The following EFL1 variants were observed in gnomAD, a reference collection of about 807,000 sequenced individuals.
EFL1 encodes elongation factor-like GTPase 1.
In EFL1, 76 loss-of-function variants were observed where a neutral mutation model predicts 126.7. The ratio of observed to expected loss-of-function variants is 0.60; its 90% CI spans 0.50 to 0.73. The LOEUF (loss-of-function observed/expected upper bound fraction) is 0.73. Ranked by LOEUF, EFL1 falls within the 30% of genes least tolerant of loss-of-function variation. The pLI is 0.00. For missense variants in EFL1, 1,128 were observed against 1,343.2 expected, an observed-to-expected ratio of 0.84 and a Z score of 2.50; for synonymous variants, 410 against 448.4, an observed-to-expected ratio of 0.91 and a Z score of 1.08.
In EFL1 at chr15:82,240,608, C is replaced by T. The variant is rs1420612116; in HGVS notation, c.379-53G>A. On this transcript the variant is annotated intron_variant, in intron 5 of 19. Transcript: ENST00000268206. ...AACTCATGATTTGAAATAATTAGAGCACATTAGAAAATCGTGATTAATAAC... is the reference window on the plus strand; with the variant it reads ...AACTCATGATTTGAAATAATTAGAGTACATTAGAAAATCGTGATTAATAAC... 7.5e-6 allele frequency: 12 copies of T among 1,597,894 alleles called. No individual in the cohort carries two copies. In the Admixed American group the frequency reaches 2.1e-4, roughly 28 times the overall value.
At chr15:82,143,448 T>G (rs918376004) in intron 18 of EFL1, among the ~76,000 whole-genome samples, 2 of 152,224 alleles carry the variant, frequency 1.3e-5, no homozygotes, top group African/African-American at 4.8e-5. Context: ...GTAACACTTA[T>G]GCACTAACTT....
chr15:82,130,475 G>C lies in EFL1; in HGVS notation c.3261C>G (p.Ala1087=), dbSNP rs1448509180. The C allele has an allele frequency of 1.2e-6, 2 of 1,614,036 alleles. No individual in the cohort carries two copies. The highest frequency in any genetic ancestry group is 1.3e-5 in the African/African-American group (1 of 74,986). The change falls in exon 20 of 20, where the codon GCC becomes GCG. Residue 1087 remains alanine, a synonymous_variant. Transcript: ENST00000268206. ...FGEKADSENQ[A]RKYMNAVRKR... ...TTCGTACTGCGTTCATGTACTTCCG[G>C]GCTTGGTTCTCAGAGTCAGCCTTCT...
At chr15:82,135,278 A>G (rs2073708431) in intron 19 of EFL1, among the ~76,000 whole-genome samples, 1 of 151,858 alleles carries the variant, frequency 6.6e-6, no homozygotes. Flanking sequence ...AAAGTATTAC[A>G]TGTATAAGAT....
intron 12 of EFL1, 107 bp from the exon 13 acceptor site, chr15:82,220,336 A>G (rs919912880): frequency 7.0e-7 from 1 of 1,420,032 alleles, no homozygotes; most frequent in African/African-American, 1.5e-5. Flanking sequence ...GCTCCATTCC[A>G]GGCAATTTTG....
At chr15:82,247,756 G>T (rs1451436361) in intron 4 of EFL1, among the ~76,000 whole-genome samples, 1 of 152,096 alleles carries the variant, frequency 6.6e-6, no homozygotes, top group East Asian at 1.9e-4. Flanking sequence ...TTTTGGTAAG[G>T]AAGGGAATAA....
At chr15:82,240,292 A>G in intron 6 of EFL1, 126 bp downstream of exon 6, 2 of 863,680 alleles carry the variant, frequency 2.3e-6, no homozygotes, top group Non-Finnish European at 1.8e-6. Flanking sequence ...GTAGAATAAC[A>G]GCAACACGTA....
At chr15:82,230,817 C>A in intron 8 of EFL1, 31 bp downstream of exon 8, 1 of 1,574,200 alleles carries the variant, frequency 6.4e-7, no homozygotes, top group Non-Finnish European at 8.6e-7. Flanking sequence ...AGAATATGAC[C>A]AACAACCAAA....
intron 15 of EFL1, among the ~76,000 whole-genome samples, chr15:82,164,829 G>A (rs1216938769): frequency 4.6e-5 from 7 of 151,556 alleles, no homozygotes; most frequent in African/African-American, 1.7e-4. Context: ...CCTGGGAGGC[G>A]GGGGATGCAG....
At chr15:82,235,684 A>G (rs534097578) in intron 7 of EFL1, among the ~76,000 whole-genome samples, 108 of 152,324 alleles carry the variant, frequency 7.1e-4, no homozygotes, top group South Asian at 1.5e-3. Flanking sequence ...TAAGAATATT[A>G]GGGGACTTCC....
At chr15:82,204,386 C>CAAA (rs34231343) in intron 15 of EFL1, among the ~76,000 whole-genome samples, 8 of 147,958 alleles carry the variant, frequency 5.4e-5, no homozygotes, top group African/African-American at 9.9e-5. Context: ...TTTTGGAAAT[C>CAAA]AAAAAAAAAA....
intron 15 of EFL1, among the ~76,000 whole-genome samples, chr15:82,170,173 G>A (rs1222067526): frequency 1.4e-5 from 2 of 138,706 alleles, no homozygotes; most frequent in Non-Finnish European, 3.0e-5. Context: ...GGAGTGCAGT[G>A]GCGGGATCTC....
chr15:82,243,951 A>G (rs943342845), intron 4 of EFL1, among the ~76,000 whole-genome samples: 3 of 152,112 alleles, frequency 2.0e-5, no homozygotes, highest in Admixed American at 6.5e-5. Flanking sequence ...AGCTCACATC[A>G]CACATACATA....
intron 7 of EFL1, among the ~76,000 whole-genome samples, chr15:82,237,596 T>TG (rs1465444244): frequency 6.6e-6 from 1 of 152,256 alleles, no homozygotes; most frequent in Non-Finnish European, 1.5e-5. Flanking sequence ...GGAAACAGTT[T>TG]GGTAGTTTCT....
At chr15:82,251,357 T>G (rs917657706) in intron 4 of EFL1, among the ~76,000 whole-genome samples, 2 of 152,132 alleles carry the variant, frequency 1.3e-5, no homozygotes, top group Non-Finnish European at 2.9e-5. Context: ...ACCAGAAAGA[T>G]AAATGTGAAT....
chr15:82,254,582 T>A (rs888627865), intron 3 of EFL1, among the ~76,000 whole-genome samples: 3 of 152,206 alleles, frequency 2.0e-5, no homozygotes, highest in African/African-American at 4.8e-5. Flanking sequence ...TAAAAATGAG[T>A]GTGTCACTAA....
intron 16 of EFL1, among the ~76,000 whole-genome samples, chr15:82,163,472 C>T (rs2074044305): frequency 1.3e-5 from 2 of 152,156 alleles, no homozygotes; most frequent in Non-Finnish European, 2.9e-5. Flanking sequence ...ACCCAGGCAG[C>T]AGAGGTTGAG....
intron 15 of EFL1, among the ~76,000 whole-genome samples, chr15:82,164,896 C>CAAAA (rs1240782656): frequency 0.018 from 1,609 of 91,544 alleles, 15 homozygotes; most frequent in Non-Finnish European, 0.025. Context: ...GATTCCACCT[C>CAAAA]AAAAAAAAAA....
intron 15 of EFL1, among the ~76,000 whole-genome samples, chr15:82,209,272 C>A (rs74030944): frequency 6.6e-6 from 1 of 151,092 alleles, no homozygotes; most frequent in Non-Finnish European, 1.5e-5. Context: ...AGGTTTCTGA[C>A]GCCTAGGTTA....
intron 4 of EFL1, among the ~76,000 whole-genome samples, chr15:82,247,937 A>G (rs553248849): frequency 6.6e-6 from 1 of 152,246 alleles, no homozygotes; most frequent in South Asian, 2.1e-4. Flanking sequence ...AGATAACTCA[A>G]GCCTCAGGAG....
Sources: allele counts gnomAD v4.1 joint callset (sites outside exome capture counted in the v4.1 genomes callset), GRCh38; gene constraint gnomAD v4.1.1; transcripts MANE v1.5; gene names NCBI Gene and HGNC (gene_info 2026-07-23, HGNC 2026-07-21).